BTBD9: variants seen among roughly 807,000 people sequenced by gnomAD.
BTBD9 encodes BTB domain containing 9, also known as BTB/POZ domain-containing protein 9.
BTBD9 carries 49 observed loss-of-function variants against 64.3 expected under a neutral mutation model. The ratio of observed to expected loss-of-function variants is 0.76; its 90% CI spans 0.61 to 0.97. The LOEUF (loss-of-function observed/expected upper bound fraction) is 0.97. Among genes scored for constraint, BTBD9 ranks in the 50% least tolerant of loss-of-function variants. The pLI is 0.00. For synonymous variants in BTBD9, 260 were observed against 274.7 expected, an observed-to-expected ratio of 0.95 and a Z score of 0.53; for missense variants, 598 against 762.1, an observed-to-expected ratio of 0.78 and a Z score of 2.53.
At chr6:38,345,997 T>G (rs989416989) in intron 6 of BTBD9, among the ~76,000 whole-genome samples, 1 of 152,180 alleles carries the variant, frequency 6.6e-6, no homozygotes, top group Non-Finnish European at 1.5e-5. Context: ...TTACTGGAAT[T>G]CAAAGTAAGA....
chr6:38,639,656 A>G (rs1193900357), intron 1 of BTBD9, 144 bp downstream of exon 1: 1 of 151,914 alleles, frequency 6.6e-6, no homozygotes, highest in Non-Finnish European at 1.5e-5. Context: ...GACCCTCGTC[A>G]GGCCCCGTCC....
chr6:38,470,775 TAGTCTGCCTTCAGAAGAGAGG>T (rs1160875237), intron 6 of BTBD9, among the ~76,000 whole-genome samples: 4 of 152,194 alleles, frequency 2.6e-5, no homozygotes, highest in Non-Finnish European at 5.9e-5. Context: ...CCTTCACACT[TAGTCTGCCTTCAGAAGAGAGG>T]AGCATTAGAA....
intron 6 of BTBD9, among the ~76,000 whole-genome samples, chr6:38,358,092 A>G (rs1274001344): frequency 1.3e-5 from 2 of 152,080 alleles, no homozygotes; most frequent in Non-Finnish European, 2.9e-5. Context: ...AAAATAACTC[A>G]GCTCATCCTC....
chr6:38,542,516 T>C (rs1031635792), intron 6 of BTBD9, among the ~76,000 whole-genome samples: 4 of 152,268 alleles, frequency 2.6e-5, no homozygotes, highest in African/African-American at 9.6e-5. Flanking sequence ...ATCACACTAA[T>C]ACAGAGATTG....
chr6:38,328,470 T>C (rs1008279898), intron 7 of BTBD9, among the ~76,000 whole-genome samples: 3 of 151,854 alleles, frequency 2.0e-5, no homozygotes, highest in Non-Finnish European at 2.9e-5. Flanking sequence ...AGAGAGACCT[T>C]AGAAGAAACC....
At position 38,317,996 on chromosome 6, in the gene BTBD9, G is replaced by C. The variant is rs551217269; in HGVS notation, c.1264+26988C>G. On this transcript the variant is annotated intron_variant, in intron 7 of 10. Transcript: ENST00000481247. ...GTTGCCCAGGCTGGAGTGCAGTGGCGTGATCTCGGCTCATTGCAACTTCCA... is the reference window on the plus strand; with the variant it reads ...GTTGCCCAGGCTGGAGTGCAGTGGCCTGATCTCGGCTCATTGCAACTTCCA... Among the ~76,000 whole-genome samples the C allele has an allele frequency of 1.9e-4, 28 of 149,078 alleles. No homozygotes were observed. The East Asian group carries it at 5.3e-3, about 28-fold the overall frequency.
intron 6 of BTBD9, chr6:38,482,349 G>A (rs1478971265): frequency 6.6e-6 from 1 of 151,962 alleles, no homozygotes; most frequent in Non-Finnish European, 1.5e-5. Flanking sequence ...TACTGAAAGG[G>A]GCTGTTAAAA....
intron 9 of BTBD9, among the ~76,000 whole-genome samples, chr6:38,239,084 CCT>C (rs547156452): frequency 2.0e-4 from 31 of 152,220 alleles, no homozygotes; most frequent in African/African-American, 7.5e-4. Flanking sequence ...AGGCCCTCTT[CCT>C]CTCTCAGGAA....
At chr6:38,514,077 T>C (rs899046793) in intron 6 of BTBD9, among the ~76,000 whole-genome samples, 21 of 152,222 alleles carry the variant, frequency 1.4e-4, no homozygotes, top group Non-Finnish European at 7.4e-5. Flanking sequence ...GAAGAGCTGC[T>C]ACCAATAGCA....
intron 6 of BTBD9, among the ~76,000 whole-genome samples, chr6:38,461,445 C>T (rs1770082104): frequency 6.6e-6 from 1 of 152,138 alleles, no homozygotes; most frequent in Admixed American, 6.5e-5. Context: ...GTTTGGCTTA[C>T]TTTGCTCAAC....
intron 1 of BTBD9, 68 bp downstream of exon 1, chr6:38,639,732 G>A (rs1778662399): frequency 6.6e-6 from 1 of 152,056 alleles, no homozygotes; most frequent in Non-Finnish European, 1.5e-5. Flanking sequence ...GGATACGGCG[G>A]GGGCGCGCGT....
chr6:38,411,941 A>ATG (rs1413516643), intron 6 of BTBD9, among the ~76,000 whole-genome samples: 2 of 152,224 alleles, frequency 1.3e-5, no homozygotes, highest in African/African-American at 4.8e-5. Context: ...ATATATATAT[A>ATG]TGTGTACACA....
chr6:38,418,215 A>C (rs1767760400), intron 6 of BTBD9, among the ~76,000 whole-genome samples: 1 of 151,834 alleles, frequency 6.6e-6, no homozygotes, highest in Non-Finnish European at 1.5e-5. Flanking sequence ...ACACAAAATC[A>C]CTCTTTCTGA....
chr6:38,295,162 T>C (rs1257847940), intron 7 of BTBD9, among the ~76,000 whole-genome samples: 2 of 152,076 alleles, frequency 1.3e-5, no homozygotes, highest in Non-Finnish European at 2.9e-5. Flanking sequence ...TCAAAAAAAT[T>C]CTATTATTGT....
chr6:38,279,623 G>A (rs955659012), intron 8 of BTBD9, among the ~76,000 whole-genome samples: 1 of 152,156 alleles, frequency 6.6e-6, no homozygotes, highest in African/African-American at 2.4e-5. Flanking sequence ...ACCCCGTGTG[G>A]CCTATCCTGG....
At chr6:38,567,697 A>C (rs981206013) in intron 6 of BTBD9, among the ~76,000 whole-genome samples, 1 of 151,836 alleles carries the variant, frequency 6.6e-6, no homozygotes, top group Non-Finnish European at 1.5e-5. Flanking sequence ...CTTCTGGTCT[A>C]CTCTCCCTTG....
chr6:38,262,637 CTCTTT>C (rs376100319), intron 8 of BTBD9, among the ~76,000 whole-genome samples: 3 of 152,242 alleles, frequency 2.0e-5, no homozygotes, highest in Non-Finnish European at 2.9e-5. Flanking sequence ...GTTTTCAAAA[CTCTTT>C]TCTTTGTGGC....
intron 6 of BTBD9, among the ~76,000 whole-genome samples, chr6:38,438,889 C>T (rs746209135): frequency 1.1e-4 from 16 of 151,980 alleles, no homozygotes; most frequent in Non-Finnish European, 1.5e-4. Flanking sequence ...GAAGTGGAGG[C>T]CTGAAGGGAG....
chr6:38,425,060 C>T (rs1768084596), intron 6 of BTBD9, among the ~76,000 whole-genome samples: 1 of 151,070 alleles, frequency 6.6e-6, no homozygotes, highest in African/African-American at 2.4e-5. Flanking sequence ...TGGTGATCCA[C>T]CTGCCTTGGC....
Sources: allele counts gnomAD v4.1 joint callset (sites outside exome capture counted in the v4.1 genomes callset), GRCh38; gene constraint gnomAD v4.1.1; transcripts MANE v1.5; gene names NCBI Gene and HGNC (gene_info 2026-07-23, HGNC 2026-07-21).